SBNO1: variants seen among roughly 807,000 people sequenced by gnomAD.
The protein encoded by SBNO1 is strawberry notch homolog 1.
SBNO1 carries 23 observed loss-of-function variants against 173.6 expected under a neutral mutation model. The observed-to-expected ratio is 0.13, with a 90% CI of 0.10 to 0.19. The LOEUF is 0.19. Ranked by LOEUF, SBNO1 falls within the 10% of genes least tolerant of loss-of-function variation. SBNO1 has a pLI of 1.00. For synonymous variants in SBNO1, 632 were observed against 571.5 expected, an observed-to-expected ratio of 1.11 and a Z score of -1.51; for missense variants, 1,238 against 1,671.2, an observed-to-expected ratio of 0.74 and a Z score of 4.52.
intron 1 of SBNO1, among the ~76,000 whole-genome samples, chr12:123,362,916 C>CA (rs1431584299): frequency 6.8e-6 from 1 of 147,614 alleles, no homozygotes; most frequent in Non-Finnish European, 1.5e-5. Flanking sequence ...CGCCTCTCAA[C>CA]AAAAAAATTA....
chr12:123,356,770 C>T (rs1275761310), intron 1 of SBNO1, among the ~76,000 whole-genome samples: 1 of 152,176 alleles, frequency 6.6e-6, no homozygotes, highest in Non-Finnish European at 1.5e-5. Flanking sequence ...AATACTAGTC[C>T]CTTTTTATCT....
chr12:123,318,125 A>G (rs1435357073), intron 20 of SBNO1, among the ~76,000 whole-genome samples: 4 of 151,830 alleles, frequency 2.6e-5, no homozygotes, highest in Admixed American at 6.6e-5. Context: ...TCATGTGACT[A>G]TTTTCCCTGT....
intron 5 of SBNO1, 33 bp from the exon 6 acceptor site, chr12:123,336,524 A>C (rs1307650131): frequency 7.1e-7 from 1 of 1,415,176 alleles, no homozygotes; most frequent in East Asian, 2.3e-5. Context: ...TCAATCCCAA[A>C]TCCAGGGACC....
intron 3 of SBNO1, 147 bp from the exon 4 acceptor site, chr12:123,345,717 A>G: frequency 2.8e-6 from 2 of 722,260 alleles, no homozygotes; most frequent in Non-Finnish European, 4.5e-6. Flanking sequence ...TCATTCTGTC[A>G]TGCAGGCTGA....
chr12:123,302,718 C>T (rs2048826869), intron 30 of SBNO1, 106 bp downstream of exon 30: 2 of 779,356 alleles, frequency 2.6e-6, no homozygotes, highest in African/African-American at 3.5e-5. Context: ...CCTGACAATA[C>T]TTAATCTGTT....
chr12:123,327,381 T>C (rs778439204), intron 13 of SBNO1, 45 bp downstream of exon 13: 1 of 1,523,250 alleles, frequency 6.6e-7, no homozygotes, highest in East Asian at 2.3e-5. Flanking sequence ...AGAAACATTA[T>C]CAGATACATT....
intron 8 of SBNO1, 32 bp downstream of exon 8, chr12:123,331,210 G>T: frequency 6.2e-7 from 1 of 1,606,552 alleles, no homozygotes; most frequent in South Asian, 1.1e-5. Context: ...GATCCGCTGC[G>T]CCTGGCCCAC....
intron 3 of SBNO1, among the ~76,000 whole-genome samples, chr12:123,346,781 A>G (rs542060461): frequency 5.3e-5 from 8 of 152,220 alleles, no homozygotes; most frequent in African/African-American, 1.9e-4. Flanking sequence ...TCTGTTTTTA[A>G]AAATATCTTT....
At chr12:123,331,193 A>G (rs765590280) in intron 8 of SBNO1, 49 bp downstream of exon 8, 92 of 1,594,628 alleles carry the variant, frequency 5.8e-5, no homozygotes, top group Non-Finnish European at 7.9e-5. Flanking sequence ...CGATCTCCTA[A>G]CCTCGTGATC....
chr12:123,328,371 G>T (rs1358274555), intron 10 of SBNO1, among the ~76,000 whole-genome samples: 1 of 152,116 alleles, frequency 6.6e-6, no homozygotes, highest in Non-Finnish European at 1.5e-5. Flanking sequence ...TCCTCATGCA[G>T]GACAGTTAAA....
In SBNO1 at chr12:123,345,249, C is replaced by G; in HGVS notation, c.550+9G>C. 2 of 1,608,078 alleles carry G rather than the reference C, an allele frequency of 1.2e-6. No individual in the cohort carries two copies. Among genetic ancestry groups the G allele is most frequent in the South Asian group, 1.1e-5 (1 of 90,756 alleles). ...GAGAGAAAGTTGATACTATTGAAAA[C>G]AGACTTACTAGCTGCTGTTGCTACT... On this transcript the variant is annotated intron_variant, in intron 4 of 31. Transcript: ENST00000602398.
At chr12:123,344,609 G>A (rs1872906172) in intron 4 of SBNO1, among the ~76,000 whole-genome samples, 3 of 152,164 alleles carry the variant, frequency 2.0e-5, no homozygotes, top group African/African-American at 7.2e-5. Context: ...AACACTTTGG[G>A]AGGCTAAGGT....
intron 9 of SBNO1, 150 bp downstream of exon 9, chr12:123,330,269 A>G: frequency 1.6e-6 from 1 of 614,880 alleles, no homozygotes; most frequent in Non-Finnish European, 2.9e-6. Context: ...CCACAAACCA[A>G]CAATAGTGGC....
chr12:123,300,641 G>C (rs7962049), intron 30 of SBNO1, among the ~76,000 whole-genome samples: 13,069 of 151,298 alleles, frequency 0.086, 1,518 homozygotes, highest in African/African-American at 0.27. Flanking sequence ...CTGGGTGACA[G>C]AGCGAGACTC....
intron 1 of SBNO1, among the ~76,000 whole-genome samples, chr12:123,354,583 C>T (rs1874227930): frequency 6.6e-6 from 1 of 152,144 alleles, no homozygotes; most frequent in Non-Finnish European, 1.5e-5. Flanking sequence ...TATTCAGAAA[C>T]TATTATAGAC....
intron 1 of SBNO1, among the ~76,000 whole-genome samples, chr12:123,352,167 T>C (rs1396824270): frequency 6.6e-6 from 1 of 152,222 alleles, no homozygotes; most frequent in African/African-American, 2.4e-5. Flanking sequence ...TATACAAACA[T>C]ACTTATGAAA....
chr12:123,348,306 C>T (rs1261619659), intron 2 of SBNO1, among the ~76,000 whole-genome samples, 173 bp from the exon 3 acceptor site: 1 of 152,218 alleles, frequency 6.6e-6, no homozygotes, highest in Non-Finnish European at 1.5e-5. Context: ...CTCCACAAAA[C>T]GGTACTAACA....
At chr12:123,321,777 T>C in intron 16 of SBNO1, 45 bp from the exon 17 acceptor site, 1 of 1,475,284 alleles carries the variant, frequency 6.8e-7, no homozygotes, top group Non-Finnish European at 9.5e-7. Flanking sequence ...ATTCAATGTT[T>C]CTTAAGATCC....
intron 20 of SBNO1, among the ~76,000 whole-genome samples, chr12:123,317,759 C>T (rs1212073371): frequency 1.3e-5 from 2 of 152,198 alleles, no homozygotes; most frequent in East Asian, 3.9e-4. Flanking sequence ...CCTGCTCCAC[C>T]TACCCAAATG....
Sources: gnomAD v4.1 joint callset for allele counts (sites outside exome capture counted in the v4.1 genomes callset) on GRCh38, gnomAD v4.1.1 for gene constraint, MANE v1.5 for transcripts, NCBI Gene and HGNC (gene_info 2026-07-23, HGNC 2026-07-21) for gene names.